Variants in MSRA observed in about 807,000 individuals in gnomAD.
MSRA encodes the protein mitochondrial peptide methionine sulfoxide reductase.
Under a neutral mutation model 31.3 loss-of-function variants are expected in MSRA, and 54 were observed. That is an observed-to-expected ratio of 1.73 (90% CI 1.39 to 2.17). The LOEUF (loss-of-function observed/expected upper bound fraction) is 2.17. MSRA is among the 30% of genes most tolerant of loss of function. MSRA has a pLI of 0.00. For missense variants in MSRA, 507 were observed against 300.9 expected (o/e 1.69, Z -5.07); for synonymous variants, 169 against 116.5 (o/e 1.45, Z -2.90).
intron 1 of MSRA, among the ~76,000 whole-genome samples, chr8:10,104,421 G>A (rs1799741859): frequency 6.6e-6 from 1 of 152,086 alleles, no homozygotes; most frequent in South Asian, 2.1e-4. Flanking sequence ...TACCTTTTAG[G>A]GAGACGTAAA....
At chr8:10,401,525 G>C (rs998581879) in intron 5 of MSRA, among the ~76,000 whole-genome samples, 1 of 152,166 alleles carries the variant, frequency 6.6e-6, no homozygotes, top group Non-Finnish European at 1.5e-5. Context: ...GGAGTTAAAC[G>C]TAGAATTGCT....
chr8:10,231,934 A>T (rs1466458444), intron 2 of MSRA, among the ~76,000 whole-genome samples: 1 of 152,170 alleles, frequency 6.6e-6, no homozygotes, highest in Admixed American at 6.5e-5. Context: ...TAAAAATAAA[A>T]GGGTAAACAG....
At chr8:10,301,107 A>G (rs1045089170) in intron 3 of MSRA, among the ~76,000 whole-genome samples, 2 of 152,212 alleles carry the variant, frequency 1.3e-5, no homozygotes, top group Admixed American at 6.5e-5. Flanking sequence ...CCCTGGCACC[A>G]TCTCACTGTG....
chr8:10,369,539 T>C (rs1487411726), intron 5 of MSRA, among the ~76,000 whole-genome samples: 1 of 152,224 alleles, frequency 6.6e-6, no homozygotes, highest in Non-Finnish European at 1.5e-5. Context: ...TAGTTGTCTT[T>C]TGACTTGTGG....
intron 1 of MSRA, chr8:10,096,146 A>G (rs1799144038): frequency 1.6e-6 from 2 of 1,243,194 alleles, no homozygotes; most frequent in Admixed American, 3.6e-5. Flanking sequence ...AGGAAGTCAG[A>G]GTAAAAGTTG....
At chr8:10,340,396 A>G (rs1162641627) in intron 5 of MSRA, among the ~76,000 whole-genome samples, 1 of 152,176 alleles carries the variant, frequency 6.6e-6, no homozygotes, top group Non-Finnish European at 1.5e-5. Flanking sequence ...TATCTGAGAC[A>G]AAGTTTTCCT....
At chr8:10,135,912 A>G (rs1311611063) in intron 1 of MSRA, among the ~76,000 whole-genome samples, 1 of 152,182 alleles carries the variant, frequency 6.6e-6, no homozygotes, top group Non-Finnish European at 1.5e-5. Context: ...CAGATGCTTT[A>G]TCTAATAATC....
intron 1 of MSRA, among the ~76,000 whole-genome samples, chr8:10,148,120 C>T (rs1310577932): frequency 6.6e-6 from 1 of 152,152 alleles, no homozygotes; most frequent in Non-Finnish European, 1.5e-5. Context: ...CTCCTCTCGG[C>T]TCTGCAGCCG....
At chr8:10,305,644 C>T (rs1052604922) in intron 4 of MSRA, among the ~76,000 whole-genome samples, 1 of 152,186 alleles carries the variant, frequency 6.6e-6, no homozygotes, top group South Asian at 2.1e-4. Context: ...AAACTCCTGA[C>T]CTCATGATTC....
At chr8:10,202,872 G>T (rs994869242) in intron 1 of MSRA, among the ~76,000 whole-genome samples, 2 of 152,138 alleles carry the variant, frequency 1.3e-5, no homozygotes, top group Admixed American at 1.3e-4. Flanking sequence ...GGACACAGAG[G>T]CATGAAGAGG....
intron 2 of MSRA, among the ~76,000 whole-genome samples, chr8:10,237,467 A>C (rs1296128660): frequency 1.3e-5 from 2 of 152,252 alleles, no homozygotes; most frequent in Non-Finnish European, 2.9e-5. Flanking sequence ...AATATTTCCA[A>C]ATTCATCTAA....
At chr8:10,229,389 C>A (rs1811270981) in intron 2 of MSRA, among the ~76,000 whole-genome samples, 1 of 152,156 alleles carries the variant, frequency 6.6e-6, no homozygotes, top group African/African-American at 2.4e-5. Flanking sequence ...CTCAGGAATT[C>A]TGTAGGCAGC....
At chr8:10,371,156 T>C (rs934218576) in intron 5 of MSRA, among the ~76,000 whole-genome samples, 14 of 152,194 alleles carry the variant, frequency 9.2e-5, no homozygotes, top group African/African-American at 3.1e-4. Context: ...CTTAATTCTT[T>C]AGTTATTTTT....
At chr8:10,427,930 T>C (rs1809285532) in intron 5 of MSRA, among the ~76,000 whole-genome samples, 1 of 152,176 alleles carries the variant, frequency 6.6e-6, no homozygotes, top group African/African-American at 2.4e-5. Context: ...AAATCTGATA[T>C]AAACCTGATT....
chr8:10,057,653 G>C (rs1451273852), intron 1 of MSRA, among the ~76,000 whole-genome samples: 4 of 152,130 alleles, frequency 2.6e-5, no homozygotes, highest in African/African-American at 9.7e-5. Context: ...TCCCCTTGCT[G>C]TTCTCGTGAG....
chr8:10,103,466 A>G (rs1799666364), intron 1 of MSRA, among the ~76,000 whole-genome samples: 1 of 152,208 alleles, frequency 6.6e-6, no homozygotes, highest in African/African-American at 2.4e-5. Flanking sequence ...GAAAATCTCC[A>G]AAACTCTAAA....
intron 4 of MSRA, among the ~76,000 whole-genome samples, chr8:10,313,372 T>C (rs961519786): frequency 1.3e-5 from 2 of 152,108 alleles, no homozygotes; most frequent in Admixed American, 1.3e-4. Context: ...TGCATGATTA[T>C]GAAAGAAACT....
rs188908061 is a variant in MSRA at position 10,252,673 on chromosome 8, A to T, written c.331+7450A>T. Among the ~76,000 whole-genome samples, 37 of 152,338 alleles carry T rather than the reference A, an allele frequency of 2.4e-4. No individual in the cohort carries two copies. In the East Asian group the frequency reaches 4.8e-3, roughly 20 times the overall value. ...TGGGCTGGGGACTGCCTGGGCCTGC[A>T]GAATCAGGGCAAGTGGACTGCAAAT... On this transcript the variant is annotated intron_variant, in intron 3 of 5. Coordinates refer to ENST00000317173, the MANE Select transcript of MSRA (RefSeq NM_012331.5).
intron 1 of MSRA, among the ~76,000 whole-genome samples, chr8:10,143,031 A>G (rs962330616): frequency 6.6e-6 from 1 of 152,194 alleles, no homozygotes; most frequent in Non-Finnish European, 1.5e-5. Flanking sequence ...TATGTGGAGT[A>G]AGAAGTAGAA....
Sources: allele counts gnomAD v4.1 joint callset (sites outside exome capture counted in the v4.1 genomes callset), GRCh38; gene constraint gnomAD v4.1.1; transcripts MANE v1.5; gene names NCBI Gene and HGNC (gene_info 2026-07-23, HGNC 2026-07-21).